SLC48A1: variants seen among roughly 807,000 people sequenced by gnomAD.
SLC48A1 encodes solute carrier family 48 member 1, also known as heme transporter HRG1.
Under a neutral mutation model 14.8 loss-of-function variants are expected in SLC48A1, and 6 were observed. The observed-to-expected ratio is 0.41, with a 90% confidence interval of 0.22 to 0.80. SLC48A1 has a LOEUF of 0.80. Ranked by LOEUF, SLC48A1 falls within the 30% of genes least tolerant of loss-of-function variation. SLC48A1 has a pLI of 0.34. For missense variants in SLC48A1, 165 were observed against 204.8 expected (o/e 0.81, Z 1.19); for synonymous variants, 89 against 90.0 (o/e 0.99, Z 0.06).
At position 47,774,524 on chromosome 12, in the gene SLC48A1, A is replaced by G. The variant is rs1011298376; in HGVS notation, c.136+1084A>G. 2.0e-5 allele frequency among the ~76,000 whole-genome samples: 3 copies of G among 152,218 alleles called. No individual in the cohort carries two copies. The South Asian group carries it at 6.2e-4, about 32-fold the overall frequency. On this transcript the variant is annotated intron_variant, in intron 1 of 2. Transcript: ENST00000442218. ...GAAAATACGTATAATACTTTTACATATGATGATTATATTCCATTACTAAAA... is the reference window on the plus strand; with the variant it reads ...GAAAATACGTATAATACTTTTACATGTGATGATTATATTCCATTACTAAAA...
At chr12:47,755,046 G>A (rs1192956813), upstream of SLC48A1, among the ~76,000 whole-genome samples, 1 of 152,208 alleles carries the variant, frequency 6.6e-6, no homozygotes, top group African/African-American at 2.4e-5. Flanking sequence ...GGCTGCTTGT[G>A]GTGGGACAGG....
upstream of SLC48A1, among the ~76,000 whole-genome samples, chr12:47,771,413 T>TGTG (rs1248889871): frequency 6.6e-6 from 1 of 151,302 alleles, no homozygotes; most frequent in Non-Finnish European, 1.5e-5. Flanking sequence ...CCAGAGGGGG[T>TGTG]GTGGTGGGTG....
intron 1 of SLC48A1, among the ~76,000 whole-genome samples, chr12:47,774,017 G>A (rs1942687675): frequency 1.3e-5 from 2 of 152,246 alleles, no homozygotes; most frequent in South Asian, 2.1e-4. Context: ...GGAGGACGGC[G>A]TTAGGGATCT....
upstream of SLC48A1, chr12:47,758,304 C>T: frequency 1.4e-6 from 2 of 1,433,300 alleles, no homozygotes; most frequent in East Asian, 5.0e-5. Flanking sequence ...AAAGATCAGG[C>T]CCTTCTTAGT....
chr12:47,767,827 G>A (rs987535853), upstream of SLC48A1, among the ~76,000 whole-genome samples: 13 of 152,210 alleles, frequency 8.5e-5, no homozygotes, highest in Non-Finnish European at 4.4e-5. Flanking sequence ...AAACAGAAAG[G>A]CGAATGTGTC....
chr12:47,765,084 A>G (rs1942486394), intron 2 of SLC48A1, among the ~76,000 whole-genome samples: 4 of 60,124 alleles, frequency 6.7e-5, no homozygotes, highest in Admixed American at 6.2e-4. Flanking sequence ...CTCAAAAAAA[A>G]AAAAAAAAAA....
intron 2 of SLC48A1, among the ~76,000 whole-genome samples, chr12:47,760,952 C>G (rs908571064): frequency 6.6e-6 from 1 of 152,164 alleles, no homozygotes; most frequent in Non-Finnish European, 1.5e-5. Flanking sequence ...ATCCCAACAC[C>G]TTGGGAGGCT....
upstream of SLC48A1, among the ~76,000 whole-genome samples, chr12:47,772,633 C>T (rs980159657): frequency 2.0e-5 from 3 of 151,694 alleles, no homozygotes; most frequent in African/African-American, 7.3e-5. Context: ...GCTATGATGG[C>T]GCCACTGTAC....
At position 47,782,075 on chromosome 12, in the gene SLC48A1, G is replaced by A. The variant is rs749704623; in HGVS notation, c.*1794G>A. On this transcript the variant is annotated 3_prime_UTR_variant, in exon 3 of 3. Coordinates refer to ENST00000442218, the MANE Select transcript of SLC48A1 (RefSeq NM_017842.3). ...TGCCAGGAGCTTGGGCCAGGTCTAA[G>A]GTAATGAGGTGCTCCTCTTCCTGCT... 1 of 152,316 alleles carries A rather than the reference G, an allele frequency of 6.6e-6. No individual in the cohort carries two copies. The highest frequency in any genetic ancestry group is 1.9e-4 in the East Asian group (1 of 5,194). 9.4% of individuals were successfully genotyped at this position (152,316 alleles called of 1,614,324 possible).
At chr12:47,775,058 T>C (rs1468980505) in intron 1 of SLC48A1, among the ~76,000 whole-genome samples, 4 of 152,110 alleles carry the variant, frequency 2.6e-5, no homozygotes, top group African/African-American at 9.7e-5. Context: ...CTGGTACAAG[T>C]GGAGGTGAAC....
At chr12:47,756,725 C>T (rs1942076807), upstream of SLC48A1, among the ~76,000 whole-genome samples, 1 of 152,124 alleles carries the variant, frequency 6.6e-6, no homozygotes, top group Non-Finnish European at 1.5e-5. Context: ...AATCCCAGTG[C>T]TTTGGGAGGG....
chr12:47,775,275 G>C (rs114532030), intron 1 of SLC48A1, among the ~76,000 whole-genome samples: 4 of 152,134 alleles, frequency 2.6e-5, no homozygotes, highest in Non-Finnish European at 5.9e-5. Context: ...GTTTTCTTCC[G>C]ACCCAACTCT....
chr12:47,773,276 G>A lies in SLC48A1; in HGVS notation c.-29G>A. The A allele has an allele frequency of 1.5e-6, 2 of 1,350,716 alleles. No homozygotes were observed. The highest frequency in any genetic ancestry group is 1.9e-6 in the Non-Finnish European group (2 of 1,047,564). 83.7% of individuals were successfully genotyped at this position (1,350,716 alleles called of 1,614,324 possible). On this transcript the variant is annotated 5_prime_UTR_variant, in exon 1 of 3. Transcript: ENST00000442218. ...GCACCTGTGACTCTCGGCCGCGCTC[G>A]CCCTCGGCCCGCCCGGCGCCGCAGC... is the stretch of plus-strand genomic sequence containing the variant.
At chr12:47,775,028 CT>C (rs1379989276) in intron 1 of SLC48A1, among the ~76,000 whole-genome samples, 1 of 152,180 alleles carries the variant, frequency 6.6e-6, no homozygotes, top group Non-Finnish European at 1.5e-5. Context: ...GGGATCTCAG[CT>C]GGTTGTGTTG....
At chr12:47,758,389 T>G, upstream of SLC48A1, 3 of 1,519,202 alleles carry the variant, frequency 2.0e-6, no homozygotes, top group Non-Finnish European at 2.7e-6. Context: ...TATGAAGCTA[T>G]AGATTCACTA....
At chr12:47,759,147 G>C in intron 1 of SLC48A1, 1 of 972,204 alleles carries the variant, frequency 1.0e-6, no homozygotes, top group Non-Finnish European at 1.2e-6. Flanking sequence ...CAGGGATCCG[G>C]CGGTGAGTGG....
At chr12:47,773,487 G>A in intron 1 of SLC48A1, 47 bp downstream of exon 1, 2 of 1,287,540 alleles carry the variant, frequency 1.6e-6, no homozygotes, top group South Asian at 2.3e-5. Flanking sequence ...CGGCTGCGGG[G>A]CGGGCGCCGT....
chr12:47,769,814 T>C (rs1411693667), upstream of SLC48A1, among the ~76,000 whole-genome samples: 1 of 152,236 alleles, frequency 6.6e-6, no homozygotes, highest in Non-Finnish European at 1.5e-5. Flanking sequence ...CCACTAGTCA[T>C]GTGCAGCTAC....
chr12:47,775,694 G>A (rs904072039), intron 1 of SLC48A1, among the ~76,000 whole-genome samples: 1 of 152,188 alleles, frequency 6.6e-6, no homozygotes, highest in African/African-American at 2.4e-5. Context: ...CCCAAGGGTA[G>A]CCCCAGCATG....
Sources: gnomAD v4.1 joint callset for allele counts (sites outside exome capture counted in the v4.1 genomes callset) on GRCh38, gnomAD v4.1.1 for gene constraint, MANE v1.5 for transcripts, NCBI Gene and HGNC (gene_info 2026-07-23, HGNC 2026-07-21) for gene names.